The following FBXO28 variants were observed in gnomAD, a reference collection of about 807,000 sequenced individuals.
The protein encoded by FBXO28 is F-box only protein 28.
A neutral mutation model predicts 38.1 loss-of-function variants in FBXO28; 8 were observed. The ratio of observed to expected loss-of-function variants is 0.21; its 90% confidence interval spans 0.12 to 0.38. The LOEUF is 0.38. Among genes scored for constraint, FBXO28 ranks in the 10% least tolerant of loss-of-function variants. The pLI is 1.00. For synonymous variants in FBXO28, 168 were observed against 173.8 expected, an observed-to-expected ratio of 0.97 and a Z score of 0.26; for missense variants, 345 against 460.6, an observed-to-expected ratio of 0.75 and a Z score of 2.30.
chr1:224,156,357 A>G (rs1207210007), intron 4 of FBXO28, among the ~76,000 whole-genome samples: 1 of 152,204 alleles, frequency 6.6e-6, no homozygotes, highest in East Asian at 1.9e-4. Context: ...TGGAGTCCCT[A>G]TCATTTGGCT....
chr1:224,153,389 G>T (rs372229116), intron 4 of FBXO28, 52 bp downstream of exon 4: 15 of 1,396,654 alleles, frequency 1.1e-5, no homozygotes, highest in Non-Finnish European at 1.9e-6. Flanking sequence ...CTTGCTTCCG[G>T]TTTTTTTCCA....
intron 3 of FBXO28, among the ~76,000 whole-genome samples, chr1:224,145,415 A>G (rs982399074): frequency 6.6e-6 from 1 of 152,040 alleles, no homozygotes; most frequent in Non-Finnish European, 1.5e-5. Context: ...CCTATGATAA[A>G]ATTGGTTTCA....
In FBXO28 at chr1:224,153,138, T is replaced by A; in HGVS notation, c.517-4T>A. ...AAAGTGCTAATGAGAATTCATTATT[T>A]TAGGTGATTGATGAGATTTATCGTG... On this transcript the variant is annotated splice_polypyrimidine_tract_variant and splice_region_variant and intron_variant, in intron 3 of 4. Coordinates refer to ENST00000366862, the MANE Select transcript of FBXO28 (RefSeq NM_015176.4). The A allele has an allele frequency of 6.3e-7, 1 of 1,586,260 alleles. No homozygotes were observed.
intron 1 of FBXO28, among the ~76,000 whole-genome samples, chr1:224,117,743 C>T (rs974362014): frequency 1.3e-5 from 2 of 152,008 alleles, no homozygotes; most frequent in Non-Finnish European, 2.9e-5. Context: ...TGCGGTGGCT[C>T]ACGCCTGTAA....
At chr1:224,142,540 G>T (rs2102626764) in intron 3 of FBXO28, among the ~76,000 whole-genome samples, 1 of 152,148 alleles carries the variant, frequency 6.6e-6, no homozygotes, top group South Asian at 2.1e-4. Context: ...ATCAGGCTGG[G>T]CTCAGTGGCT....
In FBXO28 at chr1:224,161,231, A is replaced by T. The variant is rs1322355576; in HGVS notation, c.*3485A>T. The T allele has an allele frequency of 6.6e-6, 1 of 151,904 alleles. No homozygotes were observed. Among genetic ancestry groups the T allele is most frequent in the Non-Finnish European group, 1.5e-5 (1 of 67,934 alleles). The allele number at this position is 151,904 out of a possible 1,614,324, so 9.4% of individuals were successfully genotyped here. ...ACTCCCTATATTGTCTATTTCCAAC[A>T]TTATATAATTTTAATTTAATGTAAT... is the stretch of plus-strand genomic sequence containing the variant. On this transcript the variant is annotated 3_prime_UTR_variant, in exon 5 of 5. Transcript: ENST00000366862.
Position 224,122,777 on chromosome 1 carries a change from A to G in FBXO28, c.268-7695A>G, listed in dbSNP as rs929136469. ...TATAGGAAGGTCTTGCGCTAGCTCC[A>G]TCTGTCTAACCTTTAGCAGTGTGGT... On this transcript the variant is annotated intron_variant, in intron 1 of 4. Transcript: ENST00000366862. Among the ~76,000 whole-genome samples the G allele has an allele frequency of 3.9e-5, 6 of 152,302 alleles. No individual in the cohort carries two copies. The South Asian group carries it at 1.0e-3, about 26-fold the overall frequency.
At chr1:224,157,036 C>T (rs1211835476) in intron 4 of FBXO28, among the ~76,000 whole-genome samples, 1 of 151,244 alleles carries the variant, frequency 6.6e-6, no homozygotes, top group African/African-American at 2.4e-5. Flanking sequence ...TCTAATTTTA[C>T]TGCTTGTATT....
chr1:224,139,396 T>G (rs1422994680), intron 3 of FBXO28, among the ~76,000 whole-genome samples: 3 of 151,866 alleles, frequency 2.0e-5, no homozygotes, highest in South Asian at 2.1e-4. Flanking sequence ...ATAGCTTATT[T>G]GCAAATCTAG....
chr1:224,137,016 T>G (rs1340769754), intron 3 of FBXO28, among the ~76,000 whole-genome samples: 1 of 151,294 alleles, frequency 6.6e-6, no homozygotes, highest in Non-Finnish European at 1.5e-5. Context: ...CCTCCCAAAG[T>G]GCTGGGATTA....
intron 1 of FBXO28, among the ~76,000 whole-genome samples, chr1:224,119,432 C>T (rs1250440890): frequency 7.2e-5 from 11 of 151,934 alleles, no homozygotes; most frequent in African/African-American, 9.7e-5. Context: ...CCACCGTGCC[C>T]GGCCCCACTG....
At chr1:224,125,383 A>G (rs1656881262) in intron 1 of FBXO28, among the ~76,000 whole-genome samples, 1 of 152,096 alleles carries the variant, frequency 6.6e-6, no homozygotes, top group Non-Finnish European at 1.5e-5. Context: ...TCAGCTTTTA[A>G]TTATAAATGT....
chr1:224,146,531 G>A (rs1336920010), intron 3 of FBXO28, among the ~76,000 whole-genome samples: 4 of 151,920 alleles, frequency 2.6e-5, no homozygotes, highest in Non-Finnish European at 5.9e-5. Flanking sequence ...AGACATAAGC[G>A]TGGTACTTCT....
chr1:224,146,875 T>G (rs1657520689), intron 3 of FBXO28, among the ~76,000 whole-genome samples: 1 of 151,424 alleles, frequency 6.6e-6, no homozygotes, highest in Admixed American at 6.6e-5. Context: ...GCATGGCTAA[T>G]TTTTGTATTT....
intron 1 of FBXO28, among the ~76,000 whole-genome samples, chr1:224,127,757 AT>A (rs1656939554): frequency 6.6e-6 from 1 of 152,096 alleles, no homozygotes; most frequent in Non-Finnish European, 1.5e-5. Context: ...GAATGCAAAA[AT>A]TAGCTGGGCG....
At chr1:224,138,214 T>C (rs1162017836) in intron 3 of FBXO28, among the ~76,000 whole-genome samples, 1 of 151,264 alleles carries the variant, frequency 6.6e-6, no homozygotes, top group Non-Finnish European at 1.5e-5. Context: ...GGCTACAGAG[T>C]GAGACCCTGC....
intron 3 of FBXO28, among the ~76,000 whole-genome samples, chr1:224,143,563 G>T (rs1657417834): frequency 6.6e-6 from 1 of 152,084 alleles, no homozygotes; most frequent in Non-Finnish European, 1.5e-5. Context: ...GGTGGCTCAC[G>T]CCTGTAATCC....
At chr1:224,154,598 G>A (rs1657725236) in intron 4 of FBXO28, among the ~76,000 whole-genome samples, 1 of 152,048 alleles carries the variant, frequency 6.6e-6, no homozygotes, top group African/African-American at 2.4e-5. Context: ...CACGAGGTCA[G>A]GAGATGGAGA....
intron 3 of FBXO28, among the ~76,000 whole-genome samples, chr1:224,138,419 A>G (rs199756799): frequency 6.6e-6 from 1 of 151,886 alleles, no homozygotes; most frequent in East Asian, 1.9e-4. Context: ...CCTGCGTTCC[A>G]GTAAAACTTT....
Sources: gnomAD v4.1 joint callset for allele counts (sites outside exome capture counted in the v4.1 genomes callset) on GRCh38, gnomAD v4.1.1 for gene constraint, MANE v1.5 for transcripts, NCBI Gene and HGNC (gene_info 2026-07-23, HGNC 2026-07-21) for gene names.